Variants in OCA2 observed in about 807,000 individuals in gnomAD.
The protein encoded by OCA2 is OCA2 melanosomal transmembrane protein.
OCA2 carries 77 observed loss-of-function variants against 100.2 expected under a neutral mutation model. That is an observed-to-expected ratio of 0.77 (90% CI 0.64 to 0.93). The LOEUF (loss-of-function observed/expected upper bound fraction) is 0.93. OCA2 is among the 40% of genes least tolerant of loss of function. OCA2 has a pLI of 0.00. For missense variants in OCA2, 1,062 were observed against 1,089.1 expected, an observed-to-expected ratio of 0.98 and a Z score of 0.35; for synonymous variants, 432 against 439.2, an observed-to-expected ratio of 0.98 and a Z score of 0.21.
At chr15:27,809,711 T>C (rs545238177) in intron 23 of OCA2, among the ~76,000 whole-genome samples, 1 of 152,336 alleles carries the variant, frequency 6.6e-6, no homozygotes, top group African/African-American at 2.4e-5. Context: ...GTAGCTGCTA[T>C]ACACCAATAA....
intron 4 of OCA2, among the ~76,000 whole-genome samples, chr15:28,026,554 C>G (rs1432986863): frequency 6.6e-6 from 1 of 152,182 alleles, no homozygotes; most frequent in East Asian, 1.9e-4. Context: ...TGGGAAGAGA[C>G]AGCTCCATGT....
At chr15:27,908,019 T>C (rs1404757541) in intron 19 of OCA2, among the ~76,000 whole-genome samples, 2 of 151,740 alleles carry the variant, frequency 1.3e-5, no homozygotes, top group Non-Finnish European at 2.9e-5. Flanking sequence ...ATGAAGCAAG[T>C]GTGACAATGA....
intron 23 of OCA2, among the ~76,000 whole-genome samples, chr15:27,815,824 GT>G (rs1300025834): frequency 6.6e-6 from 1 of 152,222 alleles, no homozygotes. Flanking sequence ...CCGTGTTTAT[GT>G]TTTACAAAGA....
At chr15:27,870,160 G>C (rs1296597184) in intron 21 of OCA2, among the ~76,000 whole-genome samples, 2 of 152,206 alleles carry the variant, frequency 1.3e-5, no homozygotes, top group Non-Finnish European at 2.9e-5. Flanking sequence ...CAGCCCGGGG[G>C]TGCCATTGTT....
chr15:28,044,402 T>TTATCCAGGATAAG (rs1213121024), intron 2 of OCA2, among the ~76,000 whole-genome samples: 3 of 152,190 alleles, frequency 2.0e-5, no homozygotes, highest in African/African-American at 7.2e-5. Context: ...TCCTGGATAC[T>TTATCCAGGATAAG]TATCCAGGAT....
intron 23 of OCA2, among the ~76,000 whole-genome samples, chr15:27,760,542 A>G (rs571387012): frequency 6.6e-6 from 1 of 151,968 alleles, no homozygotes; most frequent in African/African-American, 2.4e-5. Context: ...TTTAAAAAAG[A>G]TCAATAAAAT....
chr15:27,810,072 G>C (rs1220541705), intron 23 of OCA2, among the ~76,000 whole-genome samples: 3 of 152,040 alleles, frequency 2.0e-5, no homozygotes, highest in African/African-American at 7.2e-5. Context: ...GCAAACTTAA[G>C]CAAAAAATAA....
intron 23 of OCA2, among the ~76,000 whole-genome samples, chr15:27,819,703 C>T (rs1453465067): frequency 1.5e-5 from 2 of 134,050 alleles, no homozygotes; most frequent in Admixed American, 1.6e-4. Context: ...TATTCATAGA[C>T]CAATGTATAT....
intron 23 of OCA2, among the ~76,000 whole-genome samples, chr15:27,765,839 C>G (rs1168399194): frequency 6.6e-6 from 1 of 152,242 alleles, no homozygotes; most frequent in African/African-American, 2.4e-5. Flanking sequence ...AGAGGTCACT[C>G]TCATCACCAT....
intron 23 of OCA2, among the ~76,000 whole-genome samples, chr15:27,799,159 G>A (rs2033478305): frequency 1.3e-5 from 2 of 152,322 alleles, no homozygotes; most frequent in East Asian, 1.9e-4. Context: ...CAGGGGAGAC[G>A]ATCGCTTCTG....
intron 19 of OCA2, among the ~76,000 whole-genome samples, chr15:27,912,066 CAGTG>C (rs747340695): frequency 1.7e-4 from 26 of 152,070 alleles, no homozygotes; most frequent in Non-Finnish European, 2.8e-4. Flanking sequence ...ATATTGTAGA[CAGTG>C]AGAGCAAGAG....
At chr15:27,821,310 G>C (rs146784300) in intron 23 of OCA2, among the ~76,000 whole-genome samples, 61 of 152,194 alleles carry the variant, frequency 4.0e-4, no homozygotes, top group African/African-American at 1.4e-3. Flanking sequence ...ATTCAGGCAA[G>C]TACTTGTATA....
chr15:27,786,554 ATTG>A (rs968035530), intron 23 of OCA2, among the ~76,000 whole-genome samples: 21 of 152,122 alleles, frequency 1.4e-4, no homozygotes, highest in Non-Finnish European at 2.5e-4. Context: ...ATTGAATAGA[ATTG>A]TTTTCTTAAT....
chr15:27,985,471 G>C (rs997328172), intron 12 of OCA2, among the ~76,000 whole-genome samples: 3 of 152,114 alleles, frequency 2.0e-5, no homozygotes, highest in East Asian at 3.9e-4. Context: ...ATGACCCTCA[G>C]TCCCCGTAAT....
intron 9 of OCA2, among the ~76,000 whole-genome samples, chr15:28,002,418 T>A (rs139807855): frequency 1.7e-4 from 26 of 152,166 alleles, no homozygotes; most frequent in Admixed American, 3.3e-4. Flanking sequence ...CTATGGTGAG[T>A]GCCCTACCTC....
intron 9 of OCA2, among the ~76,000 whole-genome samples, chr15:28,012,297 A>G (rs775191233): frequency 5.9e-5 from 9 of 152,374 alleles, no homozygotes. Flanking sequence ...ATGGACAGCT[A>G]TGACAGAAGG....
At chr15:27,780,693 G>A (rs993885444) in intron 23 of OCA2, among the ~76,000 whole-genome samples, 4 of 152,142 alleles carry the variant, frequency 2.6e-5, no homozygotes, top group South Asian at 2.1e-4. Context: ...GATATATTAC[G>A]CAGTGTTTTC....
At chr15:27,988,340 C>T (rs545086873) in intron 11 of OCA2, among the ~76,000 whole-genome samples, 1 of 151,536 alleles carries the variant, frequency 6.6e-6, no homozygotes, top group South Asian at 2.1e-4. Context: ...CATATGTTCA[C>T]CTCCTAGCCC....
At chr15:27,903,033 C>T (rs2038019752) in intron 19 of OCA2, among the ~76,000 whole-genome samples, 1 of 152,192 alleles carries the variant, frequency 6.6e-6, no homozygotes. Context: ...GCAGTCACCC[C>T]GCAAGGAAGG....
Sources: gnomAD v4.1 joint callset for allele counts (sites outside exome capture counted in the v4.1 genomes callset) on GRCh38, gnomAD v4.1.1 for gene constraint, MANE v1.5 for transcripts, NCBI Gene and HGNC (gene_info 2026-07-23, HGNC 2026-07-21) for gene names.